Variants in WDHD1 observed in about 807,000 individuals in gnomAD.
WDHD1 encodes WD repeat and HMG-box DNA binding protein 1.
In WDHD1, 111 loss-of-function variants were observed where a neutral mutation model predicts 135.4. That is an observed-to-expected ratio of 0.82 (90% CI 0.70 to 0.96). WDHD1 has a LOEUF of 0.96. Among genes scored for constraint, WDHD1 ranks in the 40% least tolerant of loss-of-function variants. WDHD1 has a pLI of 0.00. For synonymous variants in WDHD1, 434 were observed against 439.0 expected (o/e 0.99, Z 0.14); for missense variants, 1,351 against 1,336.3 (o/e 1.01, Z -0.17).
At chr14:55,021,062 G>A (rs2042338919) in intron 2 of WDHD1, among the ~76,000 whole-genome samples, 2 of 152,154 alleles carry the variant, frequency 1.3e-5, no homozygotes, top group Non-Finnish European at 2.9e-5. Flanking sequence ...GGAGGAGGCA[G>A]GAGAGGCAGG....
At chr14:55,016,781 G>C (rs1017611294) in intron 2 of WDHD1, among the ~76,000 whole-genome samples, 3 of 152,178 alleles carry the variant, frequency 2.0e-5, no homozygotes, top group African/African-American at 7.2e-5. Flanking sequence ...AGCATTAAAA[G>C]AAATGTCAGT....
chr14:54,942,826 AG>A (rs2040860550), intron 25 of WDHD1, among the ~76,000 whole-genome samples: 1 of 152,226 alleles, frequency 6.6e-6, no homozygotes, highest in Non-Finnish European at 1.5e-5. Context: ...GTAAATGTTT[AG>A]GGTTTACCTT....
At chr14:54,968,566 CA>C (rs951945030) in intron 16 of WDHD1, among the ~76,000 whole-genome samples, 40 of 151,436 alleles carry the variant, frequency 2.6e-4, no homozygotes, top group Admixed American at 3.3e-4. Context: ...ATCAATAAAA[CA>C]AAAAAAATTG....
intron 25 of WDHD1, among the ~76,000 whole-genome samples, chr14:54,941,994 T>C (rs971421277): frequency 4.6e-5 from 7 of 152,114 alleles, no homozygotes; most frequent in Non-Finnish European, 1.0e-4. Context: ...CTCATGTCTG[T>C]AATCCCAGCA....
intron 7 of WDHD1, among the ~76,000 whole-genome samples, chr14:55,002,547 C>A (rs142608530): frequency 6.6e-6 from 1 of 152,224 alleles, no homozygotes; most frequent in African/African-American, 2.4e-5. Context: ...TAAAGGTGAT[C>A]ACTCTATTGC....
At chr14:54,960,199 G>A (rs933677316) in intron 21 of WDHD1, among the ~76,000 whole-genome samples, 2 of 152,018 alleles carry the variant, frequency 1.3e-5, no homozygotes, top group East Asian at 1.9e-4. Flanking sequence ...ATGGAGTCTC[G>A]CTCTGTCGCC....
Position 55,025,862 on chromosome 14 carries a change from C to T in WDHD1, c.77+849G>A, listed in dbSNP as rs539189281. On this transcript the variant is annotated intron_variant, in intron 2 of 25. Transcript: ENST00000360586. Reference sequence around the variant, plus strand: ...TTACTATGCCAACATCACCACCCCACCGCCACCACCACTCATCTCTTTATA... The same window carrying T: ...TTACTATGCCAACATCACCACCCCATCGCCACCACCACTCATCTCTTTATA... 2.6e-5 allele frequency among the ~76,000 whole-genome samples: 4 copies of T among 152,322 alleles called. No homozygotes were observed. The East Asian group carries it at 7.7e-4, about 29-fold the overall frequency.
At chr14:54,952,734 T>C (rs1233935127) in intron 24 of WDHD1, among the ~76,000 whole-genome samples, 1 of 151,790 alleles carries the variant, frequency 6.6e-6, no homozygotes, top group East Asian at 1.9e-4. Context: ...GCTACCTGAC[T>C]TCAAACTATA....
chr14:54,988,473 TTG>T (rs1422627439), intron 13 of WDHD1, among the ~76,000 whole-genome samples: 1 of 152,156 alleles, frequency 6.6e-6, no homozygotes, highest in African/African-American at 2.4e-5. Flanking sequence ...TGTATTTTGA[TTG>T]TGGTAGGGGT....
intron 24 of WDHD1, among the ~76,000 whole-genome samples, chr14:54,953,319 G>A (rs1424393131): frequency 2.6e-5 from 4 of 152,136 alleles, no homozygotes; most frequent in Non-Finnish European, 5.9e-5. Context: ...AAGGATATGA[G>A]CAGACACTTC....
At position 54,981,438 on chromosome 14, in the gene WDHD1, T is replaced by C. The variant is rs1029658855; in HGVS notation, c.2063+102A>G. 4.3e-6 allele frequency: 5 copies of C among 1,151,072 alleles called. No individual in the cohort carries two copies. The African/African-American group carries it at 4.7e-5, about 11-fold the overall frequency. 71.3% of individuals were successfully genotyped at this position (1,151,072 alleles called of 1,614,324 possible). The stretch of plus-strand genomic sequence containing the variant: ...TTTAGTGACTATGGAAAGCAAGTAA[T>C]TGGACTAAGATAAAAGACAAATACA... On this transcript the variant is annotated intron_variant, in intron 16 of 25. Transcript: ENST00000360586.
At chr14:54,993,264 C>G (rs954128251) in intron 11 of WDHD1, among the ~76,000 whole-genome samples, 42 of 152,144 alleles carry the variant, frequency 2.8e-4, no homozygotes, top group Non-Finnish European at 1.3e-4. Context: ...ATTACAGGCA[C>G]ACGTCACCAC....
chr14:55,000,834 C>T (rs1321421516), intron 9 of WDHD1, 52 bp downstream of exon 9: 1 of 1,322,810 alleles, frequency 7.6e-7, no homozygotes. Flanking sequence ...AAAACAAATA[C>T]AAAACTAATA....
At chr14:54,970,726 CAG>C (rs1176547756) in intron 16 of WDHD1, among the ~76,000 whole-genome samples, 2 of 151,608 alleles carry the variant, frequency 1.3e-5, no homozygotes, top group Non-Finnish European at 2.9e-5. Context: ...TCATTTTTCA[CAG>C]AATTAGAAAA....
In WDHD1 at chr14:55,008,305, G is replaced by A; in HGVS notation, c.504+11C>T. Reference sequence around the variant, plus strand: ...GGGCAAAAAACTTTAAATTTAAATTGCTGAGTTTACCTGATCTGAAATTTG... The same window carrying A: ...GGGCAAAAAACTTTAAATTTAAATTACTGAGTTTACCTGATCTGAAATTTG... On this transcript the variant is annotated intron_variant, in intron 6 of 25. Transcript: ENST00000360586. 6.2e-7 allele frequency: 1 copy of A among 1,611,318 alleles called. No homozygotes were observed. Among genetic ancestry groups the A allele is most frequent in the South Asian group, 1.1e-5 (1 of 90,532 alleles).
Position 54,991,377 on chromosome 14 carries a change from A to G in WDHD1, c.1177T>C (p.Ser393Pro). The part of the protein sequence containing the change: ...SVDISMLKTG[S>P]SLLKEEEEDG... ...TCCTCCTCCTCTTTGAGAAGACTAGAACCAGTTTTTAGCATTGAAATATCT... is the reference window on the plus strand; with the variant it reads ...TCCTCCTCCTCTTTGAGAAGACTAGGACCAGTTTTTAGCATTGAAATATCT... The change falls in exon 12 of 26, where the codon TCT becomes CCT. Residue 393 changes from serine (S) to proline (P), a missense_variant. Around this residue, in one of 2 missense-constraint regions of WDHD1, gnomAD observed 1,330 missense variants for 1,296.1 expected, o/e 1.03. Transcript: ENST00000360586. 1 of 1,614,112 alleles carries G rather than the reference A, an allele frequency of 6.2e-7. No homozygotes were observed. The highest frequency in any genetic ancestry group is 1.1e-5 in the South Asian group (1 of 91,072).
chr14:55,013,700 G>A (rs1440853757), intron 2 of WDHD1, 104 bp from the exon 3 acceptor site: 8 of 835,158 alleles, frequency 9.6e-6, no homozygotes, highest in Admixed American at 1.9e-5. Flanking sequence ...GAGGCCAGGA[G>A]TTCAAGACTA....
At chr14:54,957,262 G>A (rs2041175999) in intron 22 of WDHD1, 58 bp from the exon 23 acceptor site, 2 of 1,524,532 alleles carry the variant, frequency 1.3e-6, no homozygotes, top group Non-Finnish European at 1.8e-6. Flanking sequence ...AAAATCCCAA[G>A]AGACTTATTT....
intron 16 of WDHD1, among the ~76,000 whole-genome samples, chr14:54,975,887 C>T (rs764605200): frequency 2.0e-5 from 3 of 151,922 alleles, no homozygotes; most frequent in Non-Finnish European, 2.9e-5. Context: ...TAAAGGATCT[C>T]TGAACAAAAA....
Sources: allele counts gnomAD v4.1 joint callset (sites outside exome capture counted in the v4.1 genomes callset), GRCh38; gene constraint gnomAD v4.1.1; regional missense constraint gnomAD v4.1.1; transcripts MANE v1.5; gene names NCBI Gene and HGNC (gene_info 2026-07-23, HGNC 2026-07-21).